Variants in ZFYVE1 observed in about 807,000 individuals in gnomAD.
The protein encoded by ZFYVE1 is zinc finger FYVE domain-containing protein 1.
ZFYVE1 carries 30 observed loss-of-function variants against 74.4 expected under a neutral mutation model. The observed-to-expected ratio is 0.40, with a 90% CI of 0.30 to 0.55. ZFYVE1 has a LOEUF of 0.55. ZFYVE1 is among the 20% of genes least tolerant of loss of function. The pLI, the probability that ZFYVE1 is intolerant of heterozygous loss-of-function variation, is 0.42. For missense variants in ZFYVE1, 703 were observed against 1,011.6 expected (o/e 0.69, Z 4.14); for synonymous variants, 335 against 385.1 (o/e 0.87, Z 1.52).
chr14:73,020,927 T>C (rs1594868224), intron 2 of ZFYVE1, among the ~76,000 whole-genome samples: 5 of 151,968 alleles, frequency 3.3e-5, no homozygotes, highest in Admixed American at 3.3e-4. Context: ...AGAGACAGGG[T>C]TTGACCATGT....
chr14:73,024,817 A>G lies in ZFYVE1; in HGVS notation c.-309T>C. The G allele has an allele frequency of 3.5e-6, 1 of 287,312 alleles. No individual in the cohort carries two copies. Among genetic ancestry groups the G allele is most frequent in the South Asian group, 6.3e-5 (1 of 15,858 alleles). 17.8% of individuals were successfully genotyped at this position (287,312 alleles called of 1,614,324 possible). On this transcript the variant is annotated 5_prime_UTR_variant, in exon 2 of 12. Coordinates refer to ENST00000556143, the MANE Select transcript of ZFYVE1 (RefSeq NM_021260.4). ...AGGGTCTTTTATGGCTATCTGAGAG[A>G]GGTCTGATGGGTTCACGGTGGTGGG...
intron 2 of ZFYVE1, among the ~76,000 whole-genome samples, chr14:73,013,365 T>C (rs2033678998): frequency 6.6e-6 from 1 of 152,150 alleles, no homozygotes; most frequent in African/African-American, 2.4e-5. Context: ...CCCAGCACTT[T>C]GGGAGGCCAA....
chr14:72,978,565 TCAAAAAAAAAA>T (rs1183332102), intron 6 of ZFYVE1, among the ~76,000 whole-genome samples: 1 of 34,158 alleles, frequency 2.9e-5, no homozygotes, highest in African/African-American at 1.3e-4. Context: ...AGACTCTGTC[TCAAAAAAAAAA>T]AAAAAAAAAA....
intron 8 of ZFYVE1, 110 bp downstream of exon 8, chr14:72,977,817 T>C: frequency 8.4e-7 from 1 of 1,186,010 alleles, no homozygotes; most frequent in Non-Finnish European, 1.2e-6. Flanking sequence ...ACCGCCAACA[T>C]TCTGAAATTC....
rs1017528124 is a variant in ZFYVE1 at position 72,980,592 on chromosome 14, G to C, written c.1310+1197C>G. On this transcript the variant is annotated intron_variant, in intron 5 of 11. Coordinates refer to ENST00000556143, the MANE Select transcript of ZFYVE1 (RefSeq NM_021260.4). ...TTATTTATTTATTTATTTTGAGAAAGAGTCTCACTCTGTCGCCCAGGCTGG... is the reference window on the plus strand; with the variant it reads ...TTATTTATTTATTTATTTTGAGAAACAGTCTCACTCTGTCGCCCAGGCTGG... Among the ~76,000 whole-genome samples, 5 of 149,740 alleles carry C rather than the reference G, an allele frequency of 3.3e-5. No individual in the cohort carries two copies. In the East Asian group the frequency reaches 1.0e-3, roughly 31 times the overall value.
At chr14:72,983,333 G>A (rs1045303225) in intron 4 of ZFYVE1, among the ~76,000 whole-genome samples, 10 of 150,996 alleles carry the variant, frequency 6.6e-5, no homozygotes, top group African/African-American at 2.4e-4. Context: ...ATCTCCTAAT[G>A]CTATCCTTCC....
At position 72,998,082 on chromosome 14, in the gene ZFYVE1, G is replaced by A. The variant is rs546347969; in HGVS notation, c.717C>T (p.Leu239=). 6.2e-7 allele frequency: 1 copy of A among 1,614,034 alleles called. No homozygotes were observed. The highest frequency in any genetic ancestry group is 1.1e-5 in the South Asian group (1 of 91,078). ...HKVAVIDTEG[L]LGATVNLSQR... ...GGCTTAGATTCACGGTGGCCCCCAG[G>A]AGCCCTTCCGTATCGATCACTGCTA... Residue 239 remains leucine, a synonymous_variant, in exon 3 of 12, where the codon CTC becomes CTT. Transcript: ENST00000556143.
chr14:72,998,417 T>C (rs1893799941), intron 2 of ZFYVE1, 102 bp from the exon 3 acceptor site: 9 of 1,176,210 alleles, frequency 7.7e-6, no homozygotes, highest in Non-Finnish European at 1.0e-5. Flanking sequence ...CTTGATTGAA[T>C]TGTCAAAGAA....
chr14:73,015,134 G>A (rs971682601), intron 2 of ZFYVE1, among the ~76,000 whole-genome samples: 22 of 150,586 alleles, frequency 1.5e-4, no homozygotes, highest in African/African-American at 5.1e-4. Context: ...AGGAGGCTGA[G>A]GCAGGAGAAT....
At chr14:73,019,932 C>A (rs1400752239) in intron 2 of ZFYVE1, among the ~76,000 whole-genome samples, 1 of 149,874 alleles carries the variant, frequency 6.7e-6, no homozygotes, top group Non-Finnish European at 1.5e-5. Flanking sequence ...GCCGGGGCAA[C>A]AGAGTGAGAC....
chr14:73,023,804 C>T (rs1339638943), intron 2 of ZFYVE1, among the ~76,000 whole-genome samples: 2 of 152,140 alleles, frequency 1.3e-5, no homozygotes, highest in Non-Finnish European at 2.9e-5. Flanking sequence ...GGCTGTCCCC[C>T]ATTTTATAGA....
chr14:73,022,944 C>G (rs1894348013), intron 2 of ZFYVE1, among the ~76,000 whole-genome samples: 1 of 151,944 alleles, frequency 6.6e-6, no homozygotes, highest in Non-Finnish European at 1.5e-5. Flanking sequence ...GGGTGGATCA[C>G]TTGAGGTCAG....
At chr14:72,977,335 G>A (rs1015668516) in intron 8 of ZFYVE1, among the ~76,000 whole-genome samples, 1 of 152,132 alleles carries the variant, frequency 6.6e-6, no homozygotes. Context: ...GAACCCGGGA[G>A]GTGGAGATTG....
At chr14:72,988,624 T>C (rs1207166578) in intron 4 of ZFYVE1, among the ~76,000 whole-genome samples, 1 of 151,554 alleles carries the variant, frequency 6.6e-6, no homozygotes, top group Non-Finnish European at 1.5e-5. Context: ...CTGGCCAACA[T>C]GGTGAAACCC....
chr14:72,980,418 C>T (rs1429831001), intron 5 of ZFYVE1, among the ~76,000 whole-genome samples: 1 of 152,122 alleles, frequency 6.6e-6, no homozygotes, highest in African/African-American at 2.4e-5. Flanking sequence ...CATTTAAATC[C>T]CCTGGGGCCC....
intron 5 of ZFYVE1, 141 bp from the exon 6 acceptor site, chr14:72,979,110 G>C: frequency 1.4e-6 from 1 of 710,502 alleles, no homozygotes; most frequent in Non-Finnish European, 2.5e-6. Flanking sequence ...AACACAGAAA[G>C]GGTAGCCGGA....
intron 4 of ZFYVE1, among the ~76,000 whole-genome samples, chr14:72,989,940 A>G (rs1290910990): frequency 6.6e-6 from 1 of 152,218 alleles, no homozygotes; most frequent in Non-Finnish European, 1.5e-5. Flanking sequence ...ACTAATAAAA[A>G]AAAATTAATA....
intron 4 of ZFYVE1, among the ~76,000 whole-genome samples, chr14:72,986,178 G>T (rs991500455): frequency 1.3e-5 from 2 of 152,102 alleles, no homozygotes; most frequent in Non-Finnish European, 2.9e-5. Flanking sequence ...GTATCTCAAG[G>T]CTTGGTGTGA....
chr14:73,008,596 T>C (rs769977725), intron 2 of ZFYVE1, among the ~76,000 whole-genome samples: 1 of 152,170 alleles, frequency 6.6e-6, no homozygotes, highest in Non-Finnish European at 1.5e-5. Context: ...AATAAAAAGC[T>C]TTCCAAGGCA....
Sources: gnomAD v4.1 joint callset for allele counts (sites outside exome capture counted in the v4.1 genomes callset) on GRCh38, gnomAD v4.1.1 for gene constraint, MANE v1.5 for transcripts, NCBI Gene and HGNC (gene_info 2026-07-23, HGNC 2026-07-21) for gene names.